FYTTD1: variants seen among roughly 807,000 people sequenced by gnomAD.
FYTTD1 encodes the protein UAP56-interacting factor.
Under a neutral mutation model 40.9 loss-of-function variants are expected in FYTTD1, and 22 were observed. The observed-to-expected ratio is 0.54, with a 90% CI of 0.38 to 0.77. The LOEUF is 0.77. Among genes scored for constraint, FYTTD1 ranks in the 30% least tolerant of loss-of-function variants. The pLI is 0.00. For missense variants in FYTTD1, 351 were observed against 392.2 expected (o/e 0.90, Z 0.89); for synonymous variants, 140 against 137.9 (o/e 1.01, Z -0.10).
chr3:197,765,768 G>A lies in FYTTD1; in HGVS notation c.236-2671G>A, dbSNP rs776872300. ...TCCAAGCACTCTCGGAGGCTGAGGC[G>A]GGCGGATCACAAGGTCAGGAGATCA... On this transcript the variant is annotated intron_variant, in intron 2 of 8. Coordinates refer to ENST00000241502, the MANE Select transcript of FYTTD1 (RefSeq NM_032288.7). Among the ~76,000 whole-genome samples the A allele has an allele frequency of 2.6e-5, 4 of 151,708 alleles. No homozygotes were observed. The East Asian group carries it at 7.7e-4, about 29-fold the overall frequency.
rs145445180 is a variant in FYTTD1, at chr3:197,779,587, G to C, written c.858+1123G>C. 6.7e-5 allele frequency among the ~76,000 whole-genome samples: 9 copies of C among 134,568 alleles called. No homozygotes were observed. The East Asian group carries it at 2.1e-3, about 31-fold the overall frequency. The allele number at this position is 134,568 out of a possible 152,430, so 88.3% of individuals were successfully genotyped here. A position where few individuals can be genotyped will look rare whatever the true frequency, so the allele number is the denominator to read the frequency against. On this transcript the variant is annotated intron_variant, in intron 8 of 8. Transcript: ENST00000241502. Reference sequence around the variant, plus strand: ...ACTCTGTCACCAGGACTGGAATGCAGTGGCATAATCATAGCTCACTGTAGC... The same window carrying C: ...ACTCTGTCACCAGGACTGGAATGCACTGGCATAATCATAGCTCACTGTAGC...
intron 5 of FYTTD1, 65 bp downstream of exon 5, chr3:197,773,564 CAGCCACCTTTAGTA>C: frequency 1.1e-6 from 1 of 932,518 alleles, no homozygotes; most frequent in Admixed American, 2.1e-5. Context: ...GGATCCTGAG[CAGCCACCTTTAGTA>C]AGCCTCAGTC....
intron 7 of FYTTD1, among the ~76,000 whole-genome samples, chr3:197,777,617 C>G (rs895419847): frequency 6.6e-6 from 1 of 152,108 alleles, no homozygotes; most frequent in Non-Finnish European, 1.5e-5. Flanking sequence ...GTAATGTTTT[C>G]GATGTCTTTA....
rs1291491840 is a variant in FYTTD1 at position 197,786,821 on chromosome 3, C to CT, written c.*4913dup. ...TTTTTATTTTTTGAGACGGAATACT[C>CT]TGTCACCCAGGCTGCAGTGCAGTGG... On this transcript the variant is annotated 3_prime_UTR_variant, in exon 9 of 9. Coordinates refer to ENST00000241502, the MANE Select transcript of FYTTD1 (RefSeq NM_032288.7). The CT allele has an allele frequency of 1.3e-5, 2 of 152,154 alleles. No homozygotes were observed. Among genetic ancestry groups the CT allele is most frequent in the East Asian group, 1.9e-4 (1 of 5,190 alleles). 9.4% of individuals were successfully genotyped at this position (152,154 alleles called of 1,614,324 possible).
At chr3:197,768,929 A>G (rs1729629615) in intron 3 of FYTTD1, among the ~76,000 whole-genome samples, 1 of 151,568 alleles carries the variant, frequency 6.6e-6, no homozygotes, top group African/African-American at 2.4e-5. Context: ...AGTAGCTGGG[A>G]TTACAGGTGT....
chr3:197,755,629 T>C (rs1023080054), intron 1 of FYTTD1: 21 of 216,682 alleles, frequency 9.7e-5, no homozygotes, highest in Non-Finnish European at 1.7e-4. Context: ...TATTTATTTA[T>C]TTATTTATTT....
chr3:197,756,388 A>T, intron 1 of FYTTD1, 38 bp from the exon 2 acceptor site: 1 of 1,488,762 alleles, frequency 6.7e-7, no homozygotes, highest in Non-Finnish European at 9.3e-7. Flanking sequence ...AATTGAGTTA[A>T]GTTAAAATGA....
intron 6 of FYTTD1, 34 bp downstream of exon 6, chr3:197,774,244 C>T (rs1383190667): frequency 1.3e-6 from 2 of 1,532,048 alleles, no homozygotes; most frequent in African/African-American, 1.4e-5. Context: ...GATGTTATTT[C>T]AAAACTCCCA....
chr3:197,750,739 C>T (rs1017872120), intron 1 of FYTTD1: 4 of 985,410 alleles, frequency 4.1e-6, no homozygotes, highest in Non-Finnish European at 1.2e-6. Flanking sequence ...CAGTCTCCCT[C>T]TCCAGGCCTC....
At chr3:197,778,018 C>T (rs1729924644) in intron 7 of FYTTD1, among the ~76,000 whole-genome samples, 1 of 152,166 alleles carries the variant, frequency 6.6e-6, no homozygotes, top group Non-Finnish European at 1.5e-5. Context: ...AGCCCTCCAG[C>T]CATCTTAATG....
intron 8 of FYTTD1, among the ~76,000 whole-genome samples, chr3:197,779,784 G>T (rs573575327): frequency 1.4e-5 from 2 of 146,090 alleles, no homozygotes; most frequent in Admixed American, 6.9e-5. Flanking sequence ...CACACCTGGG[G>T]ATACAGGCAA....
chr3:197,778,438 T>G lies in FYTTD1; in HGVS notation c.832T>G (p.Phe278Val), dbSNP rs1256110432. 6.2e-7 allele frequency: 1 copy of G among 1,609,754 alleles called. No homozygotes were observed. Among genetic ancestry groups the G allele is most frequent in the Admixed American group, 1.7e-5 (1 of 59,754 alleles). ...AGTTCCTAAAGGTGTTCCCCTGCAG[T>G]TTGACATAAACAGTGTCGGAAAACA... ...KKVPKGVPLQFDINSVGKQTG... is the reference protein window; with the variant it reads ...KKVPKGVPLQVDINSVGKQTG... Residue 278 changes from phenylalanine to valine, a missense_variant, in exon 8 of 9, where the codon TTT (phenylalanine) becomes GTT (valine). Transcript: ENST00000241502.
rs141529189 is a variant in FYTTD1 at position 197,781,813 on chromosome 3, A to G, written c.861A>G (p.Thr287=). ...QFDINSVGKQ[T]GMTLNERFGI... The stretch of plus-strand genomic sequence containing the variant: ...TTTTGTTTTTTTCTTTTCTCTAGAC[A>G]GGGATGACGTTGAATGAGCGGTTTG... Residue 287 remains threonine, a splice_region_variant and synonymous_variant, in exon 9 of 9, where the codon ACA becomes ACG. Coordinates refer to ENST00000241502, the MANE Select transcript of FYTTD1 (RefSeq NM_032288.7). 1,115 of 1,600,106 alleles carry G rather than the reference A, an allele frequency of 7.0e-4. 12 individuals carry two copies. The South Asian group carries it at 9.3e-3, about 13-fold the overall frequency.
At position 197,786,393 on chromosome 3, in the gene FYTTD1, G is replaced by C. The variant is rs1730157414; in HGVS notation, c.*4484G>C. On this transcript the variant is annotated 3_prime_UTR_variant, in exon 9 of 9. Coordinates refer to ENST00000241502, the MANE Select transcript of FYTTD1 (RefSeq NM_032288.7). The stretch of plus-strand genomic sequence containing the variant: ...GCCTCCCAAAGTGCTGGGATTACAG[G>C]TGTGAGCCACCGCACCCAGCCTACA... 1 of 152,178 alleles carries C rather than the reference G, an allele frequency of 6.6e-6. No individual in the cohort carries two copies. The highest frequency in any genetic ancestry group is 1.5e-5 in the Non-Finnish European group (1 of 68,080). 9.4% of individuals were successfully genotyped at this position (152,178 alleles called of 1,614,324 possible).
At chr3:197,750,624 C>T (rs576296208) in intron 1 of FYTTD1, 16 of 985,308 alleles carry the variant, frequency 1.6e-5, no homozygotes, top group Middle Eastern at 5.2e-4. Context: ...GGGCGCGACT[C>T]TCGGGGCCAC....
chr3:197,762,988 C>T (rs1238282651), intron 2 of FYTTD1, among the ~76,000 whole-genome samples: 1 of 152,220 alleles, frequency 6.6e-6, no homozygotes, highest in Non-Finnish European at 1.5e-5. Context: ...CCTGCACATC[C>T]TGCACGTGTA....
intron 1 of FYTTD1, among the ~76,000 whole-genome samples, chr3:197,752,979 TAGTACGTTC>T (rs1187616759): frequency 1.3e-5 from 2 of 152,200 alleles, no homozygotes; most frequent in Non-Finnish European, 2.9e-5. Flanking sequence ...GTTTGATGAT[TAGTACGTTC>T]AAGTGAAGAA....
At chr3:197,780,279 A>G (rs1729995104) in intron 8 of FYTTD1, among the ~76,000 whole-genome samples, 1 of 152,190 alleles carries the variant, frequency 6.6e-6, no homozygotes, top group Non-Finnish European at 1.5e-5. Flanking sequence ...TACATTGCCC[A>G]GGCTGGTCTT....
At chr3:197,766,929 G>A (rs1022615209) in intron 2 of FYTTD1, among the ~76,000 whole-genome samples, 1 of 152,090 alleles carries the variant, frequency 6.6e-6, no homozygotes, top group African/African-American at 2.4e-5. Context: ...TAAAATATAT[G>A]TATACAAGTA....
Sources: allele counts gnomAD v4.1 joint callset (sites outside exome capture counted in the v4.1 genomes callset), GRCh38; gene constraint gnomAD v4.1.1; transcripts MANE v1.5; gene names NCBI Gene and HGNC (gene_info 2026-07-23, HGNC 2026-07-21).